Variants in QRICH1 observed in about 807,000 individuals in gnomAD.
QRICH1 encodes glutamine rich 1, also known as transcriptional regulator QRICH1.
Under a neutral mutation model 87.1 loss-of-function variants are expected in QRICH1, and 16 were observed. The observed-to-expected ratio is 0.18, with a 90% CI of 0.12 to 0.28. QRICH1 has a LOEUF of 0.28. Among genes scored for constraint, QRICH1 ranks in the 10% least tolerant of loss-of-function variants. The pLI is 1.00. For synonymous variants in QRICH1, 367 were observed against 368.4 expected, an observed-to-expected ratio of 1.00 and a Z score of 0.05; for missense variants, 647 against 951.7, an observed-to-expected ratio of 0.68 and a Z score of 4.21.
Position 49,070,646 on chromosome 3 carries a change from C to A in QRICH1, c.309+6063G>T, listed in dbSNP as rs547754861. Reference sequence around the variant, plus strand: ...GATGAGGTTTTACCATGTTTCCCAGCCTGGTCTCAAACTCCTGGGCTCAAG... The same window carrying A: ...GATGAGGTTTTACCATGTTTCCCAGACTGGTCTCAAACTCCTGGGCTCAAG... On this transcript the variant is annotated intron_variant, in intron 2 of 9. Coordinates refer to ENST00000395443, the MANE Select transcript of QRICH1 (RefSeq NM_198880.3). Among the ~76,000 whole-genome samples, 33 of 151,828 alleles carry A rather than the reference C, an allele frequency of 2.2e-4. 1 individual carries two copies. Among genetic ancestry groups the A allele is most frequent in the African/African-American group, 7.5e-4 (31 of 41,428 alleles).
chr3:49,068,417 C>T (rs2106946731), intron 2 of QRICH1, among the ~76,000 whole-genome samples: 1 of 150,516 alleles, frequency 6.6e-6, no homozygotes, highest in South Asian at 2.1e-4. Flanking sequence ...CTGATCACAC[C>T]ACTGCATTCC....
chr3:49,077,116 G>T, intron 1 of QRICH1, 78 bp from the exon 2 acceptor site: 1 of 953,396 alleles, frequency 1.0e-6, no homozygotes, highest in Non-Finnish European at 1.5e-6. Context: ...TTGCACAAGA[G>T]TGGAATATAT....
chr3:49,039,978 T>A (rs1258261627), intron 6 of QRICH1, among the ~76,000 whole-genome samples: 1 of 150,544 alleles, frequency 6.6e-6, no homozygotes, highest in Non-Finnish European at 1.5e-5. Flanking sequence ...CGAGAATCAC[T>A]TGAACCCCAG....
At chr3:49,074,687 C>G (rs979824540) in intron 2 of QRICH1, among the ~76,000 whole-genome samples, 12 of 151,690 alleles carry the variant, frequency 7.9e-5, no homozygotes, top group African/African-American at 2.4e-4. Context: ...CAGCAAAGAT[C>G]AAATATTTGG....
intron 2 of QRICH1, among the ~76,000 whole-genome samples, chr3:49,068,562 C>G (rs1396252511): frequency 6.6e-6 from 1 of 151,332 alleles, no homozygotes; most frequent in Admixed American, 6.6e-5. Flanking sequence ...GAAGTCCAGA[C>G]TGCAGCGAGC....
chr3:49,084,820 G>A (rs2042137019), intron 1 of QRICH1, among the ~76,000 whole-genome samples: 1 of 152,074 alleles, frequency 6.6e-6, no homozygotes, highest in Non-Finnish European at 1.5e-5. Context: ...GAACCACAGA[G>A]TAATTAAGTT....
At chr3:49,089,041 C>T (rs116246332) in intron 1 of QRICH1, among the ~76,000 whole-genome samples, 2,348 of 151,884 alleles carry the variant, frequency 0.015, 53 homozygotes, top group African/African-American at 0.052. Flanking sequence ...ATTTTCATCA[C>T]GGTTCTATTT....
intron 6 of QRICH1, among the ~76,000 whole-genome samples, chr3:49,040,132 T>C (rs897959688): frequency 1.3e-5 from 2 of 152,232 alleles, no homozygotes; most frequent in Admixed American, 1.3e-4. Context: ...CATTAATCTA[T>C]TGTTTATTTA....
At chr3:49,038,607 G>A (rs944938681) in intron 6 of QRICH1, among the ~76,000 whole-genome samples, 1 of 151,836 alleles carries the variant, frequency 6.6e-6, no homozygotes, top group African/African-American at 2.4e-5. Flanking sequence ...TAGTAGAGAT[G>A]GGGTTTCACC....
chr3:49,077,428 A>G (rs918868260), intron 1 of QRICH1, among the ~76,000 whole-genome samples: 1 of 152,178 alleles, frequency 6.6e-6, no homozygotes, highest in Admixed American at 6.6e-5. Context: ...GGAGGAAGCT[A>G]GGGGCAGGGA....
rs1390593748 is a variant in QRICH1, at chr3:49,093,822, C to T, written c.-22+90G>A. On this transcript the variant is annotated intron_variant, in intron 1 of 9. Transcript: ENST00000395443. Reference sequence around the variant, plus strand: ...CTCTCCAGGGCCCAGCGGTAGTGGCCCGCCCGCCCCCGCCCGCCGTTGTGT... The same window carrying T: ...CTCTCCAGGGCCCAGCGGTAGTGGCTCGCCCGCCCCCGCCCGCCGTTGTGT... 1.1e-5 allele frequency: 3 copies of T among 281,358 alleles called. 1 individual carries two copies. Among genetic ancestry groups the T allele is most frequent in the East Asian group, 5.6e-5 (1 of 17,960 alleles). 17.4% of individuals were successfully genotyped at this position (281,358 alleles called of 1,614,324 possible). A position where few individuals can be genotyped will look rare whatever the true frequency, so the allele number is the denominator to read the frequency against.
chr3:49,064,225 C>A (rs921466450), intron 2 of QRICH1, among the ~76,000 whole-genome samples: 5 of 147,772 alleles, frequency 3.4e-5, no homozygotes, highest in Non-Finnish European at 7.4e-5. Context: ...GCCACCATGG[C>A]TGGCCCTAAT....
chr3:49,053,899 G>A (rs2093386427), intron 3 of QRICH1, among the ~76,000 whole-genome samples: 2 of 152,276 alleles, frequency 1.3e-5, no homozygotes, highest in South Asian at 4.1e-4. Context: ...GTGCTGTAAA[G>A]TGGTCCAAGG....
Position 49,056,701 on chromosome 3 carries a change from A to G in QRICH1, c.1338+161T>C, listed in dbSNP as rs1389363406. The stretch of plus-strand genomic sequence containing the variant: ...GGATAAACTCTTTTTTCTGTTGCAT[A>G]GCCTCACGTGATGTTTCTCCCCCTC... On this transcript the variant is annotated intron_variant, in intron 3 of 9. Transcript: ENST00000395443. 14 of 1,245,710 alleles carry G rather than the reference A, an allele frequency of 1.1e-5. No homozygotes were observed. In the South Asian group the frequency reaches 1.3e-4, roughly 11 times the overall value. The allele number at this position is 1,245,710 out of a possible 1,614,324, so 77.2% of individuals were successfully genotyped here. A position where few individuals can be genotyped will look rare whatever the true frequency, so the allele number is the denominator to read the frequency against.
chr3:49,037,512 G>T (rs781425381), intron 6 of QRICH1, among the ~76,000 whole-genome samples: 1 of 152,138 alleles, frequency 6.6e-6, no homozygotes, highest in Non-Finnish European at 1.5e-5. Context: ...CAGGTGGATT[G>T]CCTGAGCTCA....
intron 2 of QRICH1, among the ~76,000 whole-genome samples, chr3:49,062,956 C>T (rs1366709835): frequency 1.3e-5 from 2 of 151,464 alleles, no homozygotes; most frequent in African/African-American, 4.8e-5. Flanking sequence ...GCCAAGATCG[C>T]GCCACTGCAC....
chr3:49,074,320 C>T (rs573790025), intron 2 of QRICH1, among the ~76,000 whole-genome samples: 11 of 152,074 alleles, frequency 7.2e-5, no homozygotes, highest in African/African-American at 2.4e-4. Flanking sequence ...CACCTGTAAT[C>T]CCAGCATTTT....
At chr3:49,093,633 C>G (rs893147334) in intron 1 of QRICH1, 1 of 162,828 alleles carries the variant, frequency 6.1e-6, no homozygotes, top group Non-Finnish European at 1.3e-5. Context: ...CCACGCGCAC[C>G]GAGAGCCGCA....
chr3:49,063,697 G>A (rs552866065), intron 2 of QRICH1, among the ~76,000 whole-genome samples: 66 of 152,296 alleles, frequency 4.3e-4, no homozygotes, highest in Non-Finnish European at 7.8e-4. Context: ...GCTGAGGAAG[G>A]AAGACTACTT....
Sources: gnomAD v4.1 joint callset for allele counts (sites outside exome capture counted in the v4.1 genomes callset) on GRCh38, gnomAD v4.1.1 for gene constraint, MANE v1.5 for transcripts, NCBI Gene and HGNC (gene_info 2026-07-23, HGNC 2026-07-21) for gene names.